FHOD3: variants seen among roughly 807,000 people sequenced by gnomAD.
FHOD3 encodes formin homology 2 domain containing 3.
FHOD3 carries 90 observed loss-of-function variants against 173.0 expected under a neutral mutation model. That is an observed-to-expected ratio of 0.52 (90% CI 0.44 to 0.62). FHOD3 has a LOEUF of 0.62. Ranked by LOEUF, FHOD3 falls within the 20% of genes least tolerant of loss-of-function variation. The pLI, the probability that FHOD3 is intolerant of heterozygous loss-of-function variation, is 0.00. For missense variants in FHOD3, 1,945 were observed against 2,034.7 expected, an observed-to-expected ratio of 0.96 and a Z score of 0.85; for synonymous variants, 828 against 823.0, an observed-to-expected ratio of 1.01 and a Z score of -0.10.
intron 28 of FHOD3, among the ~76,000 whole-genome samples, chr18:36,773,342 C>T (rs1469477165): frequency 6.6e-6 from 1 of 152,218 alleles, no homozygotes; most frequent in Non-Finnish European, 1.5e-5. Flanking sequence ...GTCTTTCCTA[C>T]CTCTGAGAGC....
At chr18:36,337,914 G>A (rs900594037) in intron 1 of FHOD3, among the ~76,000 whole-genome samples, 6 of 152,092 alleles carry the variant, frequency 3.9e-5, no homozygotes, top group African/African-American at 1.2e-4. Flanking sequence ...GGGAGGCAGC[G>A]GATGCTGACT....
intron 7 of FHOD3, among the ~76,000 whole-genome samples, chr18:36,597,282 C>T (rs2030603618): frequency 6.6e-6 from 1 of 152,142 alleles, no homozygotes; most frequent in African/African-American, 2.4e-5. Context: ...TCCATAGCCC[C>T]AGCCAGAGAT....
chr18:36,582,541 A>G (rs185006779), intron 6 of FHOD3, among the ~76,000 whole-genome samples: 1 of 152,324 alleles, frequency 6.6e-6, no homozygotes, highest in Non-Finnish European at 1.5e-5. Flanking sequence ...ACCTGTCATT[A>G]ACCAAATGCT....
intron 3 of FHOD3, among the ~76,000 whole-genome samples, chr18:36,433,782 T>A (rs1312703858): frequency 2.0e-5 from 3 of 152,156 alleles, no homozygotes; most frequent in African/African-American, 7.2e-5. Context: ...GTGATCTGTG[T>A]GCTGGTCCTG....
At chr18:36,641,101 G>C (rs956188505) in intron 10 of FHOD3, among the ~76,000 whole-genome samples, 3 of 152,122 alleles carry the variant, frequency 2.0e-5, no homozygotes, top group African/African-American at 7.2e-5. Flanking sequence ...GCCGAACGCT[G>C]TGCTAGGTCC....
At chr18:36,410,794 T>C (rs1291925835) in intron 3 of FHOD3, among the ~76,000 whole-genome samples, 1 of 152,224 alleles carries the variant, frequency 6.6e-6, no homozygotes, top group East Asian at 1.9e-4. Flanking sequence ...TGGGCATTTG[T>C]ATATCACCTT....
At chr18:36,758,662 A>G (rs2042734661) in intron 25 of FHOD3, among the ~76,000 whole-genome samples, 1 of 152,190 alleles carries the variant, frequency 6.6e-6, no homozygotes. Flanking sequence ...CCGGCAGCTG[A>G]CAGGCAGAGC....
At chr18:36,298,372 G>A (rs879791281) in intron 1 of FHOD3, among the ~76,000 whole-genome samples, 2 of 152,194 alleles carry the variant, frequency 1.3e-5, no homozygotes, top group Non-Finnish European at 2.9e-5. Context: ...GGCACCAAGC[G>A]GGGCGCGGGA....
chr18:36,370,403 A>G (rs1027428523), intron 2 of FHOD3, among the ~76,000 whole-genome samples: 1 of 151,664 alleles, frequency 6.6e-6, no homozygotes, highest in Non-Finnish European at 1.5e-5. Context: ...GTTTCTCGGC[A>G]TCCGGAAAAG....
chr18:36,660,982 G>T (rs1196028214), intron 14 of FHOD3, among the ~76,000 whole-genome samples: 1 of 152,150 alleles, frequency 6.6e-6, no homozygotes, highest in Non-Finnish European at 1.5e-5. Context: ...ACATTTGCTT[G>T]TCTTTTTCAC....
At chr18:36,653,611 A>G (rs2036213332) in intron 13 of FHOD3, among the ~76,000 whole-genome samples, 195 bp downstream of exon 13, 1 of 152,234 alleles carries the variant, frequency 6.6e-6, no homozygotes, top group East Asian at 1.9e-4. Flanking sequence ...ATGAGGGCAG[A>G]GGGAGGTGTG....
intron 7 of FHOD3, among the ~76,000 whole-genome samples, chr18:36,595,342 A>G (rs1336358960): frequency 6.6e-6 from 1 of 151,996 alleles, no homozygotes. Context: ...CACTAGGTTT[A>G]ACCTATGCTC....
At chr18:36,681,758 C>T (rs899644539) in intron 15 of FHOD3, among the ~76,000 whole-genome samples, 188 bp downstream of exon 15, 2 of 152,076 alleles carry the variant, frequency 1.3e-5, no homozygotes, top group Non-Finnish European at 2.9e-5. Context: ...TTTCTCTAAC[C>T]ATATGGCAGG....
At chr18:36,709,728 G>T (rs1182183707) in intron 18 of FHOD3, 2 of 266,766 alleles carry the variant, frequency 7.5e-6, no homozygotes, top group South Asian at 8.6e-5. Flanking sequence ...CTGTTCCATT[G>T]TGAATAATAG....
chr18:36,600,117 A>T (rs910460675), intron 7 of FHOD3, among the ~76,000 whole-genome samples: 1 of 152,172 alleles, frequency 6.6e-6, no homozygotes, highest in Admixed American at 6.5e-5. Context: ...CAGTCATCCC[A>T]GAGGCCTTAG....
At chr18:36,320,391 G>C (rs1241852160) in intron 1 of FHOD3, among the ~76,000 whole-genome samples, 2 of 152,152 alleles carry the variant, frequency 1.3e-5, no homozygotes, top group Non-Finnish European at 2.9e-5. Flanking sequence ...TAGAAGAAAT[G>C]GATAAATTCC....
intron 2 of FHOD3, among the ~76,000 whole-genome samples, chr18:36,361,550 G>C (rs958785393): frequency 6.6e-6 from 1 of 151,982 alleles, no homozygotes; most frequent in Admixed American, 6.6e-5. Context: ...GCTGGGCGTG[G>C]TGGCACGTGC....
At chr18:36,486,961 T>A (rs536476237) in intron 3 of FHOD3, among the ~76,000 whole-genome samples, 2 of 152,346 alleles carry the variant, frequency 1.3e-5, no homozygotes, top group Admixed American at 1.3e-4. Context: ...TTAGAATTCA[T>A]CTAGGCTGCA....
intron 3 of FHOD3, among the ~76,000 whole-genome samples, chr18:36,484,116 A>G (rs1038598292): frequency 3.0e-4 from 45 of 152,204 alleles, no homozygotes; most frequent in African/African-American, 1.0e-3. Flanking sequence ...TACATCAACT[A>G]TTGTATTTCT....
Sources: allele counts gnomAD v4.1 joint callset (sites outside exome capture counted in the v4.1 genomes callset), GRCh38; gene constraint gnomAD v4.1.1; transcripts MANE v1.5; gene names NCBI Gene and HGNC (gene_info 2026-07-23, HGNC 2026-07-21).